Variants in CACNA1C observed in about 807,000 individuals in gnomAD.
CACNA1C encodes the protein calcium voltage-gated channel subunit alpha1 C.
A neutral mutation model predicts 229.0 loss-of-function variants in CACNA1C; 30 were observed. The observed-to-expected ratio is 0.13, with a 90% CI of 0.10 to 0.18. The LOEUF (loss-of-function observed/expected upper bound fraction) is 0.18. Among genes scored for constraint, CACNA1C ranks in the 10% least tolerant of loss-of-function variants. The pLI is 1.00. For missense variants in CACNA1C, 1,658 were observed against 2,845.0 expected (o/e 0.58, Z 9.49); for synonymous variants, 1,114 against 1,132.5 (o/e 0.98, Z 0.33).
intron 3 of CACNA1C, among the ~76,000 whole-genome samples, chr12:2,373,271 C>G (rs2097919578): frequency 1.3e-5 from 2 of 152,234 alleles, no homozygotes; most frequent in African/African-American, 4.8e-5. Context: ...CTGAGCTTCT[C>G]CATGTGGCAG....
rs146932224 is a variant in CACNA1C at position 2,592,529 on chromosome 12, A to C, written c.2531-684A>C. Among the ~76,000 whole-genome samples, 28 of 152,302 alleles carry C rather than the reference A, an allele frequency of 1.8e-4. No homozygotes were observed. The East Asian group carries it at 4.6e-3, about 25-fold the overall frequency. On this transcript the variant is annotated intron_variant, in intron 18 of 46. Transcript: ENST00000399655. The stretch of plus-strand genomic sequence containing the variant: ...CCCAGGATGGGCAGTGCTTCCCGTC[A>C]TGAGCGTTGTGCTGGCAAGCACAGG...
At chr12:2,229,122 T>C (rs1299736613) in intron 3 of CACNA1C, among the ~76,000 whole-genome samples, 3 of 152,124 alleles carry the variant, frequency 2.0e-5, no homozygotes, top group African/African-American at 7.2e-5. Flanking sequence ...GGATTTGGAG[T>C]TCTGAAGAGC....
At chr12:2,257,598 C>T (rs2078463489) in intron 3 of CACNA1C, among the ~76,000 whole-genome samples, 1 of 152,242 alleles carries the variant, frequency 6.6e-6, no homozygotes, top group Non-Finnish European at 1.5e-5. Flanking sequence ...CCGCTCATCT[C>T]CTGCTGTGCA....
chr12:2,504,824 A>C lies in CACNA1C; in HGVS notation c.1114-18A>C, dbSNP rs763200806. On this transcript the variant is annotated intron_variant, in intron 7 of 46. Transcript: ENST00000399655. The surrounding 1 kb of genome is among the most constrained non-coding windows in gnomAD (Gnocchi z 6.8). The stretch of plus-strand genomic sequence containing the variant: ...GGTTGCTGAGTGTGCCTCACTAACT[A>C]TCATTCCGTTCTTCCAGGTCAATGA... The C allele has an allele frequency of 7.0e-7, 1 of 1,427,982 alleles. No individual in the cohort carries two copies. The highest frequency in any genetic ancestry group is 2.3e-5 in the East Asian group (1 of 43,848). The allele number at this position is 1,427,982 out of a possible 1,614,324, so 88.5% of individuals were successfully genotyped here.
intron 3 of CACNA1C, among the ~76,000 whole-genome samples, chr12:2,267,128 C>T (rs80284141): frequency 1.3e-5 from 2 of 152,080 alleles, no homozygotes; most frequent in African/African-American, 2.4e-5. Flanking sequence ...TATTGCCCGG[C>T]GCTGTGTTTC....
In CACNA1C at chr12:2,651,734, G is replaced by A. The variant is rs777058699; in HGVS notation, c.4040G>A (p.Arg1347Gln). The change falls in exon 32 of 47, where the codon CGG (arginine) becomes CAG (glutamine). Residue 1347 changes from arginine to glutamine, a missense_variant. Transcript: ENST00000399655. This position sits in a 1 kb window ranked among gnomAD's most constrained non-coding sequence, Gnocchi z 5.4. ...CTGCTGAGCCGTGGGGAGGGCATCC[G>A]GACGCTGCTGTGGACCTTCATCAAG... ...VKLLSRGEGI[R>Q]TLLWTFIKSF... is the part of the protein sequence containing the mutation. 3.1e-6 allele frequency: 5 copies of A among 1,613,290 alleles called. No homozygotes were observed. The highest frequency in any genetic ancestry group is 1.1e-5 in the South Asian group (1 of 91,018).
At chr12:2,475,473 A>G (rs1393495286) in intron 5 of CACNA1C, among the ~76,000 whole-genome samples, 2 of 152,252 alleles carry the variant, frequency 1.3e-5, no homozygotes, top group Non-Finnish European at 2.9e-5. Flanking sequence ...AAATAACTGT[A>G]TTTACCACAT....
rs1433259037 is a variant in CACNA1C at position 2,479,858 on chromosome 12, T to C, written c.758-6246T>C. 6.6e-6 allele frequency among the ~76,000 whole-genome samples: 1 copy of C among 152,190 alleles called. No homozygotes were observed. Among genetic ancestry groups the C allele is most frequent in the African/African-American group, 2.4e-5 (1 of 41,442 alleles). The stretch of plus-strand genomic sequence containing the variant: ...TTTCTTTTCATCCAGGCTTTCCGTA[T>C]TGGCAGAATCTCACATGGTGCCGCA... On this transcript the variant is annotated intron_variant, in intron 5 of 46. Coordinates refer to ENST00000399655, the MANE Select transcript of CACNA1C (RefSeq NM_000719.7). This position sits in a 1 kb window ranked among gnomAD's most constrained non-coding sequence, Gnocchi z 4.3.
At chr12:2,315,696 T>G (rs4765673) in intron 3 of CACNA1C, among the ~76,000 whole-genome samples, 5,159 of 152,294 alleles carry the variant, frequency 0.034, 198 homozygotes, top group African/African-American at 0.09. Flanking sequence ...AAAACCCTAT[T>G]AATTGTACGC....
chr12:2,402,457 C>T (rs2098690821), intron 3 of CACNA1C, among the ~76,000 whole-genome samples: 1 of 152,222 alleles, frequency 6.6e-6, no homozygotes, highest in Non-Finnish European at 1.5e-5. Context: ...CAGGAGGTGG[C>T]ACTGCAGGCG....
intron 3 of CACNA1C, among the ~76,000 whole-genome samples, chr12:2,444,004 C>T: frequency 6.6e-6 from 1 of 152,294 alleles, no homozygotes; most frequent in South Asian, 2.1e-4. Flanking sequence ...GTGACCGTGT[C>T]CCAGACGTTT....
At chr12:2,149,272 T>C (rs1261395749) in intron 3 of CACNA1C, among the ~76,000 whole-genome samples, 3 of 152,186 alleles carry the variant, frequency 2.0e-5, no homozygotes, top group African/African-American at 4.8e-5. Flanking sequence ...TTCAGACTCA[T>C]GCCAGGCCAG....
intron 31 of CACNA1C, among the ~76,000 whole-genome samples, chr12:2,650,469 G>A (rs1359923880): frequency 1.3e-4 from 20 of 152,144 alleles, no homozygotes; most frequent in Admixed American, 1.2e-3. Flanking sequence ...AGGTGTGGAC[G>A]GGACCAGTAA....
intron 1 of CACNA1C, among the ~76,000 whole-genome samples, chr12:2,080,973 G>A (rs2065355637): frequency 6.6e-6 from 1 of 152,198 alleles, no homozygotes; most frequent in Non-Finnish European, 1.5e-5. Context: ...AAAGGATAAT[G>A]CCAAGAATGT....
chr12:2,164,789 A>G (rs2096122454), intron 3 of CACNA1C, among the ~76,000 whole-genome samples: 1 of 152,226 alleles, frequency 6.6e-6, no homozygotes. Context: ...TTTCAGAAAC[A>G]TGGAGTTAAT....
rs570773947 is a variant in CACNA1C, at chr12:2,538,852, G to A, written c.1391-11091G>A. 5.3e-5 allele frequency among the ~76,000 whole-genome samples: 8 copies of A among 152,260 alleles called. No homozygotes were observed. The East Asian group carries it at 1.4e-3, about 26-fold the overall frequency. On this transcript the variant is annotated intron_variant, in intron 9 of 46. Coordinates refer to ENST00000399655, the MANE Select transcript of CACNA1C (RefSeq NM_000719.7). ...AAAATTAAATCAGATGAAACATGCC[G>A]TGCCACAGTTCCTCAATTCCTGGGA...
intron 3 of CACNA1C, among the ~76,000 whole-genome samples, chr12:2,413,968 C>A (rs542901464): frequency 4.6e-5 from 7 of 152,224 alleles, no homozygotes; most frequent in African/African-American, 1.7e-4. Flanking sequence ...TTTTAAATAA[C>A]CCCCCACCCA....
rs76428550 is a variant in CACNA1C at position 2,371,387 on chromosome 12, A to G, written c.478-77589A>G. 4.1e-4 allele frequency among the ~76,000 whole-genome samples: 63 copies of G among 152,272 alleles called. 1 individual carries two copies. In the East Asian group the frequency reaches 0.011, roughly 28 times the overall value. ...TGACTGGAGGCCCAGGTGGGCAGAA[A>G]GAAGGCGTTGAAGGGGCATAGACTC... On this transcript the variant is annotated intron_variant, in intron 3 of 46. Transcript: ENST00000399655.
chr12:2,654,437 C>T lies in CACNA1C; in HGVS notation c.4140+537C>T, dbSNP rs1180226638. ...TTCTGGGGCCTCCCCTCCCAGGTGCCCACTGCACCATTCACCGCAAACCTA... is the reference window on the plus strand; with the variant it reads ...TTCTGGGGCCTCCCCTCCCAGGTGCTCACTGCACCATTCACCGCAAACCTA... On this transcript the variant is annotated intron_variant, in intron 33 of 46. Coordinates refer to ENST00000399655, the MANE Select transcript of CACNA1C (RefSeq NM_000719.7). This position sits in a 1 kb window ranked among gnomAD's most constrained non-coding sequence, Gnocchi z 4.4. 1.3e-5 allele frequency among the ~76,000 whole-genome samples: 2 copies of T among 152,172 alleles called. No individual in the cohort carries two copies. Among genetic ancestry groups the T allele is most frequent in the Non-Finnish European group, 2.9e-5 (2 of 68,022 alleles).
Sources: gnomAD v4.1 joint callset for allele counts (sites outside exome capture counted in the v4.1 genomes callset) on GRCh38, gnomAD v4.1.1 for gene constraint, Gnocchi (gnomAD v3.1) non-coding constraint, MANE v1.5 for transcripts, NCBI Gene and HGNC (gene_info 2026-07-23, HGNC 2026-07-21) for gene names.